The following RNPC3 variants were observed in gnomAD, a reference collection of about 807,000 sequenced individuals.
RNPC3 encodes RNA-binding region-containing protein 3.
Under a neutral mutation model 67.5 loss-of-function variants are expected in RNPC3, and 48 were observed. That is an observed-to-expected ratio of 0.71 (90% CI 0.56 to 0.90). The LOEUF (loss-of-function observed/expected upper bound fraction) is 0.90, where lower values mean the gene tolerates loss of function less well. Among genes scored for constraint, RNPC3 ranks in the 40% least tolerant of loss-of-function variants. The pLI, the probability that RNPC3 is intolerant of heterozygous loss-of-function variation, is 0.00. For missense variants in RNPC3, 637 were observed against 626.1 expected, an observed-to-expected ratio of 1.02 and a Z score of -0.19; for synonymous variants, 239 against 210.3, an observed-to-expected ratio of 1.14 and a Z score of -1.18.
rs1480001346 is a variant in RNPC3 at position 103,546,973 on chromosome 1, C to A, written c.1303-4C>A. 5.6e-6 allele frequency: 8 copies of A among 1,422,570 alleles called. No homozygotes were observed. The highest frequency in any genetic ancestry group is 7.6e-6 in the Non-Finnish European group (8 of 1,055,198). 88.1% of individuals were successfully genotyped at this position (1,422,570 alleles called of 1,614,324 possible). The stretch of plus-strand genomic sequence containing the variant: ...TATTTGTCTTTTTCTTATTGAAATT[C>A]TAGGACCTTAAATATATTTTTGGAA... On this transcript the variant is annotated splice_polypyrimidine_tract_variant and splice_region_variant and intron_variant, in intron 11 of 14. Coordinates refer to ENST00000423855, the MANE Select transcript of RNPC3 (RefSeq NM_017619.4).
intron 9 of RNPC3, among the ~76,000 whole-genome samples, chr1:103,543,696 C>T (rs1461240173): frequency 1.3e-5 from 2 of 151,590 alleles, no homozygotes; most frequent in African/African-American, 4.8e-5. Flanking sequence ...GTGCTTTTTG[C>T]TGATGTTTAC....
intron 12 of RNPC3, among the ~76,000 whole-genome samples, chr1:103,547,312 A>G (rs1285415956): frequency 6.6e-6 from 1 of 152,238 alleles, no homozygotes; most frequent in Admixed American, 6.5e-5. Flanking sequence ...TTGTGAAGGC[A>G]GCCATGAAAC....
intron 9 of RNPC3, among the ~76,000 whole-genome samples, chr1:103,544,468 G>A (rs1169632470): frequency 2.6e-5 from 4 of 151,678 alleles, no homozygotes; most frequent in African/African-American, 9.7e-5. Flanking sequence ...ATTTTATCAT[G>A]CCTTTTTCAT....
intron 2 of RNPC3, among the ~76,000 whole-genome samples, chr1:103,532,633 G>C (rs1465692201): frequency 6.6e-6 from 1 of 152,034 alleles, no homozygotes; most frequent in Non-Finnish European, 1.5e-5. Flanking sequence ...CATTAAGAAC[G>C]TGAGAGAAGG....
rs1650952612 is a variant in RNPC3, at chr1:103,535,277, A to G, written c.444-53A>G. The stretch of plus-strand genomic sequence containing the variant: ...GTTATCAGGTTACCTAAAATGAGTT[A>G]CTGATATGAAATTATGAAAACATAA... On this transcript the variant is annotated intron_variant, in intron 4 of 14. Coordinates refer to ENST00000423855, the MANE Select transcript of RNPC3 (RefSeq NM_017619.4). 1.8e-6 allele frequency: 2 copies of G among 1,136,882 alleles called. 1 individual carries two copies. The highest frequency in any genetic ancestry group is 2.7e-5 in the South Asian group (2 of 74,406). 70.4% of individuals were successfully genotyped at this position (1,136,882 alleles called of 1,614,324 possible).
intron 8 of RNPC3, among the ~76,000 whole-genome samples, chr1:103,541,992 G>A (rs528562413): frequency 2.0e-5 from 3 of 151,940 alleles, no homozygotes; most frequent in African/African-American, 4.8e-5. Flanking sequence ...GGACTAACCC[G>A]AGTGCCTTTA....
intron 5 of RNPC3, 98 bp downstream of exon 5, chr1:103,535,539 ACAGC>A (rs1650963781): frequency 1.5e-6 from 1 of 687,616 alleles, no homozygotes; most frequent in South Asian, 2.0e-5. Context: ...CTAATTCTAG[ACAGC>A]CAGTGATACA....
At chr1:103,540,234 T>G (rs1651092639) in intron 7 of RNPC3, among the ~76,000 whole-genome samples, 1 of 152,210 alleles carries the variant, frequency 6.6e-6, no homozygotes, top group African/African-American at 2.4e-5. Context: ...ATTAAGAATA[T>G]TGTATAAAAT....
chr1:103,528,758 A>G (rs1344288733), intron 2 of RNPC3, among the ~76,000 whole-genome samples: 1 of 152,190 alleles, frequency 6.6e-6, no homozygotes, highest in African/African-American at 2.4e-5. Context: ...ATGTTTGCCC[A>G]AAGGATAATA....
intron 12 of RNPC3, among the ~76,000 whole-genome samples, chr1:103,547,728 G>A (rs1651280888): frequency 6.6e-6 from 1 of 152,172 alleles, no homozygotes; most frequent in South Asian, 2.1e-4. Flanking sequence ...GCAAAAGAGA[G>A]GGTTGTGATT....
chr1:103,548,224 T>TA (rs1262053931), intron 12 of RNPC3, among the ~76,000 whole-genome samples: 1 of 152,232 alleles, frequency 6.6e-6, no homozygotes, highest in Non-Finnish European at 1.5e-5. Context: ...CATCATTACT[T>TA]ATGCAGATTT....
At chr1:103,526,819 C>T (rs1353763373) in intron 1 of RNPC3, among the ~76,000 whole-genome samples, 2 of 152,178 alleles carry the variant, frequency 1.3e-5, no homozygotes, top group African/African-American at 4.8e-5. Context: ...TAGGAATTTA[C>T]ACAATTACTT....
At chr1:103,531,624 T>C (rs368857627) in intron 2 of RNPC3, among the ~76,000 whole-genome samples, 8 of 152,358 alleles carry the variant, frequency 5.3e-5, no homozygotes, top group African/African-American at 1.9e-4. Flanking sequence ...TTCATGTTTG[T>C]TGGCCATTTG....
intron 12 of RNPC3, among the ~76,000 whole-genome samples, chr1:103,549,350 T>C (rs1651327953): frequency 6.6e-6 from 1 of 152,198 alleles, no homozygotes; most frequent in African/African-American, 2.4e-5. Context: ...GGCCTATGTA[T>C]TTTTTTAGAT....
chr1:103,544,797 T>C (rs2101050264), intron 9 of RNPC3, 144 bp from the exon 10 acceptor site: 1 of 471,792 alleles, frequency 2.1e-6, no homozygotes, highest in East Asian at 3.5e-5. Context: ...AATGTTTGTG[T>C]ATGCCTCTTT....
At chr1:103,545,596 G>A (rs1386207015) in intron 10 of RNPC3, 1 of 152,696 alleles carries the variant, frequency 6.5e-6, no homozygotes, top group Admixed American at 6.5e-5. Context: ...TTAGATTGAT[G>A]TGTAGCACAT....
At chr1:103,542,460 T>C (rs1426194930) in intron 8 of RNPC3, among the ~76,000 whole-genome samples, 1 of 152,022 alleles carries the variant, frequency 6.6e-6, no homozygotes. Flanking sequence ...GAAGAAGCCA[T>C]TGGAATGCCA....
At chr1:103,540,591 C>T (rs1651102979) in intron 7 of RNPC3, among the ~76,000 whole-genome samples, 1 of 151,874 alleles carries the variant, frequency 6.6e-6, no homozygotes, top group South Asian at 2.1e-4. Context: ...TTCATTTTTC[C>T]TCAGGGAAAA....
rs761574361 is a variant in RNPC3 at position 103,545,019 on chromosome 1, A to G, written c.1124A>G (p.Glu375Gly). The G allele has an allele frequency of 8.5e-6, 13 of 1,534,640 alleles. No homozygotes were observed. Among genetic ancestry groups the G allele is most frequent in the Admixed American group, 2.0e-5 (1 of 50,906 alleles). Residue 375 changes from glutamate (E) to glycine (G), a missense_variant, in exon 10 of 15, where the codon GAG (glutamate) becomes GGG (glycine). Glu to Gly is a moderately conservative substitution (Grantham distance 98, BLOSUM62 -2). Transcript: ENST00000423855. ...CCCAAACCTAATTTGGACATCACAG[A>G]GGAGATTAAAGAAGACTCTGATGAA... ...IFPKPNLDITEEIKEDSDEMP... is the reference protein window; with the variant it reads ...IFPKPNLDITGEIKEDSDEMP...
Sources: gnomAD v4.1 joint callset for allele counts (sites outside exome capture counted in the v4.1 genomes callset) on GRCh38, gnomAD v4.1.1 for gene constraint, MANE v1.5 for transcripts, NCBI Gene and HGNC (gene_info 2026-07-23, HGNC 2026-07-21) for gene names.